Variants in PCDHA8 observed in about 807,000 individuals in gnomAD.
PCDHA8 encodes the protein protocadherin alpha 8, also known as protocadherin alpha-8.
Under a neutral mutation model 61.8 loss-of-function variants are expected in PCDHA8, and 53 were observed. The observed-to-expected ratio is 0.86, with a 90% confidence interval of 0.69 to 1.08. The LOEUF (loss-of-function observed/expected upper bound fraction) is 1.08, where lower values mean the gene tolerates loss of function less well. Ranked by LOEUF, PCDHA8 falls within the 50% of genes least tolerant of loss-of-function variation. The pLI is 0.00. For synonymous variants in PCDHA8, 618 were observed against 556.6 expected (o/e 1.11, Z -1.55); for missense variants, 1,293 against 1,245.0 (o/e 1.04, Z -0.58).
intron 1 of PCDHA8, among the ~76,000 whole-genome samples, chr5:140,890,656 A>C (rs181998048): frequency 1.3e-5 from 2 of 152,300 alleles, no homozygotes; most frequent in Admixed American, 6.5e-5. Context: ...CAAAATCAAA[A>C]GTTAACTGAA....
chr5:140,955,359 C>A (rs1390938554), intron 1 of PCDHA8, among the ~76,000 whole-genome samples: 1 of 151,992 alleles, frequency 6.6e-6, no homozygotes, highest in African/African-American at 2.4e-5. Context: ...TGAGAGGGAC[C>A]CAGTGGGAGG....
intron 3 of PCDHA8, among the ~76,000 whole-genome samples, chr5:140,994,222 CTA>C (rs1219184690): frequency 6.6e-6 from 1 of 152,168 alleles, no homozygotes; most frequent in Non-Finnish European, 1.5e-5. Context: ...CAGGGTCTGT[CTA>C]TGTTATAATC....
At chr5:140,909,471 A>G (rs1398595420) in intron 1 of PCDHA8, among the ~76,000 whole-genome samples, 3 of 152,328 alleles carry the variant, frequency 2.0e-5, no homozygotes, top group African/African-American at 7.2e-5. Context: ...TCTTCTTCAC[A>G]GGCTAAATAG....
rs115674887 is a variant in PCDHA8, at chr5:140,842,176, T to G, written c.855T>G (p.Val285=). 1,504 of 1,613,900 alleles carry G rather than the reference T, an allele frequency of 9.3e-4. 22 individuals are homozygous for G. The African/African-American group carries it at 0.018, about 19-fold the overall frequency. ...GAISYSFNSL[V]ETMVIDHFSI... ...TTTCATATTCTTTTAATAGCCTTGT[T>G]GAAACTATGGTTATTGACCACTTTA... The change falls in exon 1 of 4, where the codon GTT becomes GTG. Residue 285 remains valine, a synonymous_variant. Transcript: ENST00000531613.
At chr5:141,000,183 A>G (rs2097895175) in intron 3 of PCDHA8, among the ~76,000 whole-genome samples, 1 of 151,898 alleles carries the variant, frequency 6.6e-6, no homozygotes, top group Non-Finnish European at 1.5e-5. Context: ...CAAGGAGTCA[A>G]TGTGAGAATA....
chr5:140,997,820 T>C (rs2097787131), intron 3 of PCDHA8, among the ~76,000 whole-genome samples: 1 of 152,170 alleles, frequency 6.6e-6, no homozygotes. Flanking sequence ...GGTATCTATG[T>C]TTTCTAAACA....
chr5:140,971,165 G>A (rs1390176241), intron 1 of PCDHA8, among the ~76,000 whole-genome samples: 1 of 152,136 alleles, frequency 6.6e-6, no homozygotes, highest in Non-Finnish European at 1.5e-5. Context: ...GCTCAGCTTT[G>A]CCACCAGCTG....
chr5:141,000,421 ATTTTT>A (rs34755515), intron 3 of PCDHA8, among the ~76,000 whole-genome samples: 89 of 27,938 alleles, frequency 3.2e-3, no homozygotes, highest in East Asian at 4.2e-3. Flanking sequence ...ATATATATAT[ATTTTT>A]TTTTTTTTTT....
chr5:140,858,421 G>C (rs782781172), intron 1 of PCDHA8: 2 of 1,557,082 alleles, frequency 1.3e-6, no homozygotes, highest in African/African-American at 1.4e-5. Context: ...CTATTGGAGG[G>C]GACCACTCTA....
intron 1 of PCDHA8, chr5:140,870,393 T>C (rs1554164195): frequency 1.5e-5 from 24 of 1,613,936 alleles, no homozygotes; most frequent in Non-Finnish European, 1.8e-5. Flanking sequence ...GGGATGGGGG[T>C]TCGCCTTCTC....
In PCDHA8 at chr5:140,843,084, G is replaced by A. The variant is rs2150352183; in HGVS notation, c.1763G>A (p.Gly588Asp). The A allele has an allele frequency of 3.8e-6, 6 of 1,595,554 alleles. No homozygotes were observed. Among genetic ancestry groups the A allele is most frequent in the South Asian group, 3.3e-5 (3 of 90,492 alleles). Residue 588 changes from glycine (G) to aspartate (D), a missense_variant, in exon 1 of 4, where the codon GGC (glycine) becomes GAC (aspartate). Transcript: ENST00000531613. The stretch of plus-strand genomic sequence containing the variant: ...CTGGTGCCGCGGTCTGTGGGCGCGG[G>A]CCACGTGGTAGCGAAGGTGCGCGCA... The part of the protein sequence containing the change: ...SKLVPRSVGA[G>D]HVVAKVRAVD...
rs1340028669 is a variant in PCDHA8 at position 140,846,205 on chromosome 5, T to A, written c.2394+2490T>A. ...GTTTGAGTTCTTTGTATGTATGAGA[T>A]CTTTCCATTAATAGTATTTTTCTTA... On this transcript the variant is annotated intron_variant, in intron 1 of 3. Transcript: ENST00000531613. Among the ~76,000 whole-genome samples, 4 of 149,544 alleles carry A rather than the reference T, an allele frequency of 2.7e-5. 1 individual carries two copies. The highest frequency in any genetic ancestry group is 6.0e-5 in the Non-Finnish European group (4 of 66,902).
chr5:140,856,332 G>A, intron 1 of PCDHA8: 2 of 1,598,636 alleles, frequency 1.3e-6, no homozygotes, highest in East Asian at 2.2e-5. Context: ...GAGGAGCTGT[G>A]CGGGCGGAGC....
chr5:140,999,528 T>A (rs1414595805), intron 3 of PCDHA8, among the ~76,000 whole-genome samples: 1 of 152,080 alleles, frequency 6.6e-6, no homozygotes, highest in Non-Finnish European at 1.5e-5. Context: ...TGTTACCCCC[T>A]GGATATGACA....
intron 3 of PCDHA8, among the ~76,000 whole-genome samples, chr5:140,987,196 AGAGT>A (rs2097234784): frequency 6.6e-6 from 1 of 151,568 alleles, no homozygotes; most frequent in Non-Finnish European, 1.5e-5. Flanking sequence ...CCTGGGTGAC[AGAGT>A]GAGACTCCAT....
intron 1 of PCDHA8, among the ~76,000 whole-genome samples, chr5:140,901,810 T>C (rs2068911855): frequency 6.6e-6 from 1 of 152,336 alleles, no homozygotes; most frequent in African/African-American, 2.4e-5. Flanking sequence ...ATTTTTACAA[T>C]ATTGATTCTT....
chr5:140,938,843 C>T (rs1232774282), intron 1 of PCDHA8, among the ~76,000 whole-genome samples: 3 of 152,012 alleles, frequency 2.0e-5, no homozygotes, highest in Admixed American at 6.6e-5. Flanking sequence ...AACAAACCTG[C>T]CCATGTACCC....
chr5:140,962,557 C>A (rs1554226125), intron 1 of PCDHA8, among the ~76,000 whole-genome samples: 2 of 152,112 alleles, frequency 1.3e-5, no homozygotes, highest in Admixed American at 6.6e-5. Flanking sequence ...AGGATCTCCC[C>A]CTAAAAGCCA....
chr5:140,872,909 G>A (rs1214412416), intron 1 of PCDHA8, among the ~76,000 whole-genome samples: 7 of 152,076 alleles, frequency 4.6e-5, no homozygotes, highest in African/African-American at 1.7e-4. Flanking sequence ...GCTCTATCTT[G>A]TAATGCCTTA....
Sources: gnomAD v4.1 joint callset for allele counts (sites outside exome capture counted in the v4.1 genomes callset) on GRCh38, gnomAD v4.1.1 for gene constraint, MANE v1.5 for transcripts, NCBI Gene and HGNC (gene_info 2026-07-23, HGNC 2026-07-21) for gene names.